ALOX5AP: variants seen among roughly 807,000 people sequenced by gnomAD.
ALOX5AP encodes the protein arachidonate 5-lipoxygenase activating protein, also known as arachidonate 5-lipoxygenase-activating protein.
Under a neutral mutation model 18.5 loss-of-function variants are expected in ALOX5AP, and 9 were observed. That is an observed-to-expected ratio of 0.49 (90% confidence interval 0.29 to 0.85). The LOEUF (loss-of-function observed/expected upper bound fraction) is 0.85, where lower values mean the gene tolerates loss of function less well. ALOX5AP is among the 40% of genes least tolerant of loss of function. The pLI is 0.08. For synonymous variants in ALOX5AP, 81 were observed against 78.6 expected (o/e 1.03, Z -0.16); for missense variants, 172 against 202.5 (o/e 0.85, Z 0.91).
At chr13:30,748,563 G>T (rs1467528329) in intron 2 of ALOX5AP, among the ~76,000 whole-genome samples, 1 of 152,188 alleles carries the variant, frequency 6.6e-6, no homozygotes, top group African/African-American at 2.4e-5. Context: ...GGGTTCATCA[G>T]TTCTGTTTTG....
rs1951715229 is a variant in ALOX5AP, at chr13:30,735,674, T to C, written c.69T>C (p.Asn23=). The C allele has an allele frequency of 1.2e-6, 2 of 1,614,040 alleles. No homozygotes were observed. The highest frequency in any genetic ancestry group is 1.1e-5 in the South Asian group (1 of 91,080). The change falls in exon 1 of 5, where the codon AAT becomes AAC. Residue 23 remains asparagine (N), a splice_region_variant and synonymous_variant. Coordinates refer to ENST00000380490, the MANE Select transcript of ALOX5AP (RefSeq NM_001629.4). Reference sequence around the variant, plus strand: ...TCACCCTCATCAGCGTGGTCCAGAATGGTAAGGAAAGCCCTTCACTCAGGG... The same window carrying C: ...TCACCCTCATCAGCGTGGTCCAGAACGGTAAGGAAAGCCCTTCACTCAGGG... ...AIVTLISVVQ[N]GFFAHKVEHE... is the part of the protein sequence containing the mutation.
chr13:30,727,904 C>T (rs980802168), intron 1 of ALOX5AP, among the ~76,000 whole-genome samples: 6 of 151,362 alleles, frequency 4.0e-5, no homozygotes, highest in South Asian at 2.1e-4. Flanking sequence ...GACAGTCTGC[C>T]CTTTAGATTT....
chr13:30,763,909 C>A (rs770667766), intron 4 of ALOX5AP, 35 bp from the exon 5 acceptor site: 4 of 1,597,258 alleles, frequency 2.5e-6, no homozygotes, highest in Non-Finnish European at 3.4e-6. Context: ...GTCATTCGCA[C>A]TGCATCTACA....
At chr13:30,715,837 T>C (rs1951546259) in intron 1 of ALOX5AP, among the ~76,000 whole-genome samples, 1 of 152,164 alleles carries the variant, frequency 6.6e-6, no homozygotes, top group Non-Finnish European at 1.5e-5. Context: ...TCTAAGGCTG[T>C]CCTTTCCTAG....
chr13:30,719,694 T>C lies in ALOX5AP; in HGVS notation c.116+5853T>C, dbSNP rs572147244. Among the ~76,000 whole-genome samples the C allele has an allele frequency of 4.6e-5, 7 of 152,294 alleles. No homozygotes were observed. The South Asian group carries it at 1.4e-3, about 32-fold the overall frequency. ...GCTATGTCATAGGTTGTTGGCTTCTTCTAGAGAAGTGAGACGATGGACAAG... is the reference window on the plus strand; with the variant it reads ...GCTATGTCATAGGTTGTTGGCTTCTCCTAGAGAAGTGAGACGATGGACAAG... On this transcript the variant is annotated intron_variant, in intron 1 of 5. Coordinates refer to the ALOX5AP transcript ENST00000617770.
chr13:30,741,338 T>C (rs1951762392), intron 1 of ALOX5AP, among the ~76,000 whole-genome samples: 1 of 150,884 alleles, frequency 6.6e-6, no homozygotes, highest in African/African-American at 2.4e-5. Context: ...TCTCGACACA[T>C]CCTCCATATA....
intron 2 of ALOX5AP, among the ~76,000 whole-genome samples, chr13:30,750,831 G>C (rs982610025): frequency 1.3e-5 from 2 of 152,212 alleles, no homozygotes; most frequent in African/African-American, 2.4e-5. Context: ...GGAGGCATAA[G>C]AGTAGATGTC....
chr13:30,761,993 G>A (rs1207651398), intron 4 of ALOX5AP, among the ~76,000 whole-genome samples: 3 of 152,154 alleles, frequency 2.0e-5, no homozygotes, highest in Non-Finnish European at 4.4e-5. Context: ...CCCCCTTAAG[G>A]AGCTAGTTAG....
At position 30,737,565 on chromosome 13, in the gene ALOX5AP, C is replaced by T. The variant is rs1284124302; in HGVS notation, c.70+1890C>T. Among the ~76,000 whole-genome samples the T allele has an allele frequency of 2.6e-5, 4 of 152,210 alleles. No homozygotes were observed. In the East Asian group the frequency reaches 7.7e-4, roughly 29 times the overall value. ...TTTACAGACCACAGGGCACAGGGGC[C>T]TCACTAACAGAGTTCCCGGAAGTGA... is the stretch of plus-strand genomic sequence containing the variant. On this transcript the variant is annotated intron_variant, in intron 1 of 4. Transcript: ENST00000380490.
At chr13:30,733,991 G>A (rs796398470), upstream of ALOX5AP, among the ~76,000 whole-genome samples, 6 of 152,256 alleles carry the variant, frequency 3.9e-5, no homozygotes, top group African/African-American at 1.4e-4. Flanking sequence ...ATGCAGACTG[G>A]TCTCCACCAG....
chr13:30,716,715 A>G lies in ALOX5AP; in HGVS notation c.116+2874A>G, dbSNP rs530310402. On this transcript the variant is annotated intron_variant, in intron 1 of 5. Transcript: ENST00000617770. Reference sequence around the variant, plus strand: ...CCACAAAACACTATCCTGACTTTTGACACCAACTACAAGTCAAGGGGTTCC... The same window carrying G: ...CCACAAAACACTATCCTGACTTTTGGCACCAACTACAAGTCAAGGGGTTCC... 7.9e-5 allele frequency among the ~76,000 whole-genome samples: 12 copies of G among 152,368 alleles called. No homozygotes were observed. The South Asian group carries it at 1.0e-3, about 13-fold the overall frequency.
chr13:30,742,354 C>T (rs1310250561), intron 1 of ALOX5AP: 3 of 152,136 alleles, frequency 2.0e-5, no homozygotes, highest in Non-Finnish European at 4.4e-5. Context: ...CTGATGAAAT[C>T]CTGCAGGGAG....
intron 3 of ALOX5AP, among the ~76,000 whole-genome samples, chr13:30,754,961 G>A (rs188295055): frequency 9.8e-5 from 15 of 152,314 alleles, no homozygotes; most frequent in Admixed American, 5.2e-4. Context: ...CCTCAATGGC[G>A]GAAGTGTTTA....
intron 4 of ALOX5AP, among the ~76,000 whole-genome samples, 154 bp downstream of exon 4, chr13:30,756,179 T>C (rs4468448): frequency 0.71 from 107,325 of 152,080 alleles, 38,334 homozygotes; most frequent in East Asian, 0.78. Context: ...TGATTCTTCT[T>C]TCCCTGAGCT....
intron 2 of ALOX5AP, among the ~76,000 whole-genome samples, chr13:30,744,880 C>T (rs1018835179): frequency 6.6e-6 from 1 of 152,154 alleles, no homozygotes; most frequent in African/African-American, 2.4e-5. Flanking sequence ...GGACTAGGGG[C>T]CTGTCACAGA....
upstream of ALOX5AP, among the ~76,000 whole-genome samples, chr13:30,732,722 T>C (rs1951690913): frequency 6.6e-6 from 1 of 151,912 alleles, no homozygotes; most frequent in Non-Finnish European, 1.5e-5. Context: ...GGTGAAGATG[T>C]CTCCAGGAAA....
chr13:30,736,697 T>A (rs926899734), intron 1 of ALOX5AP, among the ~76,000 whole-genome samples: 2 of 152,202 alleles, frequency 1.3e-5, no homozygotes, highest in African/African-American at 4.8e-5. Context: ...CCTCAGCCTC[T>A]GCACCAGAAA....
chr13:30,744,203 A>C (rs202068154), intron 2 of ALOX5AP, 44 bp downstream of exon 2: 280 of 1,564,916 alleles, frequency 1.8e-4, no homozygotes, highest in Non-Finnish European at 2.4e-4. Context: ...GGGCATGGGC[A>C]GGGGGGCCTC....
chr13:30,763,302 T>A (rs1275828203), intron 4 of ALOX5AP, among the ~76,000 whole-genome samples: 1 of 152,148 alleles, frequency 6.6e-6, no homozygotes, highest in Admixed American at 6.5e-5. Context: ...AGTGAGACTC[T>A]ATCTCAAAAA....
Sources: gnomAD v4.1 joint callset for allele counts (sites outside exome capture counted in the v4.1 genomes callset) on GRCh38, gnomAD v4.1.1 for gene constraint, MANE v1.5 for transcripts, NCBI Gene and HGNC (gene_info 2026-07-23, HGNC 2026-07-21) for gene names.